The following PTPRO variants were observed in gnomAD, a reference collection of about 807,000 sequenced individuals.
PTPRO encodes the protein receptor-type tyrosine-protein phosphatase O.
Under a neutral mutation model 145.2 loss-of-function variants are expected in PTPRO, and 62 were observed. That is an observed-to-expected ratio of 0.43 (90% CI 0.35 to 0.53). The LOEUF is 0.53. Ranked by LOEUF, PTPRO falls within the 20% of genes least tolerant of loss-of-function variation. The pLI is 0.01. For missense variants in PTPRO, 1,345 were observed against 1,482.7 expected, an observed-to-expected ratio of 0.91 and a Z score of 1.53; for synonymous variants, 565 against 514.7, an observed-to-expected ratio of 1.10 and a Z score of -1.32.
At chr12:15,368,814 T>C (rs1177869174) in intron 1 of PTPRO, among the ~76,000 whole-genome samples, 4 of 152,232 alleles carry the variant, frequency 2.6e-5, no homozygotes, top group African/African-American at 9.6e-5. Context: ...AAACTTTAAT[T>C]GTTGGAAGTG....
intron 7 of PTPRO, 120 bp from the exon 8 acceptor site, chr12:15,515,378 C>A: frequency 3.8e-6 from 5 of 1,318,670 alleles, no homozygotes; most frequent in Non-Finnish European, 5.4e-6. Context: ...TTCAGTAAAG[C>A]CTTCTGGATT....
intron 1 of PTPRO, among the ~76,000 whole-genome samples, chr12:15,349,455 C>T (rs556028788): frequency 6.6e-6 from 1 of 152,318 alleles, no homozygotes; most frequent in East Asian, 1.9e-4. Context: ...AGGGGCAACA[C>T]TGTATGCAGA....
At chr12:15,584,441 C>T (rs1282004161) in intron 23 of PTPRO, among the ~76,000 whole-genome samples, 2 of 152,152 alleles carry the variant, frequency 1.3e-5, no homozygotes, top group East Asian at 3.8e-4. Flanking sequence ...TGTTCCATTG[C>T]CTATTCTGTT....
rs1944685732 is a variant in PTPRO, at chr12:15,597,723, T to C, written c.*1650T>C. Among the ~76,000 whole-genome samples, 1 of 152,212 alleles carries C rather than the reference T, an allele frequency of 6.6e-6. No individual in the cohort carries two copies. The highest frequency in any genetic ancestry group is 2.1e-4 in the South Asian group (1 of 4,822). On this transcript the variant is annotated 3_prime_UTR_variant, in exon 27 of 27. Transcript: ENST00000281171. ...GCCCATACCCTGCAGGTTAACAGCT[T>C]GGGCTCCTCAGGGGTTGTCAGTTCC...
At chr12:15,451,492 G>A (rs2136379257) in intron 1 of PTPRO, among the ~76,000 whole-genome samples, 1 of 152,172 alleles carries the variant, frequency 6.6e-6, no homozygotes, top group South Asian at 2.1e-4. Context: ...TGGAACAAAT[G>A]GACTTAACAA....
chr12:15,375,200 C>T (rs1190368279), intron 1 of PTPRO, among the ~76,000 whole-genome samples: 1 of 152,054 alleles, frequency 6.6e-6, no homozygotes, highest in East Asian at 1.9e-4. Flanking sequence ...AACAACAAAC[C>T]CTGGGGAAAA....
intron 1 of PTPRO, among the ~76,000 whole-genome samples, chr12:15,383,799 G>C (rs1353650453): frequency 2.0e-5 from 3 of 152,152 alleles, no homozygotes; most frequent in African/African-American, 7.2e-5. Flanking sequence ...TCTCTTATTA[G>C]ATCTTAAAAG....
chr12:15,407,154 C>A (rs746763604), intron 1 of PTPRO, among the ~76,000 whole-genome samples: 2 of 152,184 alleles, frequency 1.3e-5, no homozygotes, highest in Non-Finnish European at 1.5e-5. Flanking sequence ...TCGTTGTTTA[C>A]CTGAAGATAA....
chr12:15,448,340 A>T (rs1021090127), intron 1 of PTPRO, among the ~76,000 whole-genome samples: 1 of 48,852 alleles, frequency 2.0e-5, no homozygotes, highest in African/African-American at 7.7e-5. Flanking sequence ...TGTTCCTAGT[A>T]AAAAAAAAAA....
At chr12:15,516,685 T>C in intron 8 of PTPRO, 78 bp from the exon 9 acceptor site, 2 of 1,305,654 alleles carry the variant, frequency 1.5e-6, no homozygotes, top group South Asian at 1.2e-5. Context: ...ACTCGGGTCA[T>C]TAAGTAGAAG....
Position 15,569,571 on chromosome 12 carries a change from C to A in PTPRO, c.2829+73C>A. On this transcript the variant is annotated intron_variant, in intron 19 of 26. Transcript: ENST00000281171. ...GGAATTGGGGGGTTTGTGTTGCGGT[C>A]ATGTCCCTGCTCACTGGCAGTGCGT... is the stretch of plus-strand genomic sequence containing the variant. The A allele has an allele frequency of 2.3e-6, 3 of 1,319,712 alleles. No homozygotes were observed. In the South Asian group the frequency reaches 3.6e-5, roughly 16 times the overall value. The allele number at this position is 1,319,712 out of a possible 1,614,324, so 81.8% of individuals were successfully genotyped here.
At chr12:15,536,015 A>C (rs1391520731) in intron 12 of PTPRO, among the ~76,000 whole-genome samples, 1 of 152,028 alleles carries the variant, frequency 6.6e-6, no homozygotes, top group Non-Finnish European at 1.5e-5. Context: ...AGTCAGCTAG[A>C]AAGAAGCTAA....
chr12:15,408,519 C>T (rs1036614896), intron 1 of PTPRO, among the ~76,000 whole-genome samples: 3 of 152,164 alleles, frequency 2.0e-5, no homozygotes, highest in South Asian at 2.1e-4. Flanking sequence ...ACTCCGCCTC[C>T]TGGGTTCAAG....
rs1942753659 is a variant in PTPRO, at chr12:15,522,809, A to G, written c.1892-2005A>G. ...GCCTTCCAGCAATATGCTAGGTTTT[A>G]AAGCAACAACATGGAAATAAAAATC... On this transcript the variant is annotated intron_variant, in intron 10 of 26. Coordinates refer to ENST00000281171, the MANE Select transcript of PTPRO (RefSeq NM_030667.3). 2.0e-5 allele frequency among the ~76,000 whole-genome samples: 3 copies of G among 152,236 alleles called. No individual in the cohort carries two copies. In the South Asian group the frequency reaches 6.2e-4, roughly 32 times the overall value.
At chr12:15,396,949 A>G (rs894488977) in intron 1 of PTPRO, among the ~76,000 whole-genome samples, 11 of 152,188 alleles carry the variant, frequency 7.2e-5, no homozygotes, top group Admixed American at 2.0e-4. Flanking sequence ...TGGCTGATAT[A>G]ATTAAGTCAA....
chr12:15,504,822 C>T (rs1009253464), intron 6 of PTPRO, among the ~76,000 whole-genome samples: 26 of 152,314 alleles, frequency 1.7e-4, no homozygotes, highest in African/African-American at 6.0e-4. Context: ...CTATTGCCAT[C>T]TGGAAAGGCA....
chr12:15,343,056 C>T (rs748612439), intron 1 of PTPRO, among the ~76,000 whole-genome samples: 3 of 152,062 alleles, frequency 2.0e-5, no homozygotes, highest in Non-Finnish European at 4.4e-5. Context: ...CTCTCATTTG[C>T]CTTGTCCATC....
intron 1 of PTPRO, among the ~76,000 whole-genome samples, chr12:15,361,605 T>C (rs1222491379): frequency 6.6e-6 from 1 of 152,180 alleles, no homozygotes; most frequent in Non-Finnish European, 1.5e-5. Context: ...TATCCTGATC[T>C]GTCAAATAAA....
intron 7 of PTPRO, among the ~76,000 whole-genome samples, chr12:15,512,792 G>C (rs1293897095): frequency 2.0e-5 from 3 of 152,022 alleles, no homozygotes; most frequent in Non-Finnish European, 4.4e-5. Flanking sequence ...CCAGGAGTTT[G>C]AGACCAGCCT....
Sources: allele counts gnomAD v4.1 joint callset (sites outside exome capture counted in the v4.1 genomes callset), GRCh38; gene constraint gnomAD v4.1.1; transcripts MANE v1.5; gene names NCBI Gene and HGNC (gene_info 2026-07-23, HGNC 2026-07-21).